The following CACNA1C variants were observed in gnomAD, a reference collection of about 807,000 sequenced individuals.
The protein encoded by CACNA1C is voltage-dependent L-type calcium channel subunit alpha-1C.
A neutral mutation model predicts 229.0 loss-of-function variants in CACNA1C; 30 were observed. That is an observed-to-expected ratio of 0.13 (90% confidence interval 0.10 to 0.18). The LOEUF (loss-of-function observed/expected upper bound fraction) is 0.18. Ranked by LOEUF, CACNA1C falls within the 10% of genes least tolerant of loss-of-function variation. The probability of loss-of-function intolerance (pLI) is 1.00; values close to 1 mark genes in which losing one functional copy is unlikely to be tolerated. For synonymous variants in CACNA1C, 1,114 were observed against 1,132.5 expected (o/e 0.98, Z 0.33); for missense variants, 1,658 against 2,845.0 (o/e 0.58, Z 9.49).
chr12:2,004,219 G>A, intron 1 of CACNA1C: 4 of 1,595,240 alleles, frequency 2.5e-6, no homozygotes, highest in Non-Finnish European at 3.4e-6. Context: ...CAAGTCCTGA[G>A]TCTGACGCCC....
chr12:2,199,664 A>C (rs1042283924), intron 3 of CACNA1C, among the ~76,000 whole-genome samples: 1 of 152,094 alleles, frequency 6.6e-6, no homozygotes, highest in Non-Finnish European at 1.5e-5. Context: ...GTTTAGGGGC[A>C]AACTGCATTC....
intron 9 of CACNA1C, among the ~76,000 whole-genome samples, chr12:2,546,818 C>T (rs145021169): frequency 3.9e-5 from 6 of 152,152 alleles, no homozygotes; most frequent in Non-Finnish European, 8.8e-5. Context: ...GGATGTGAGC[C>T]CTAGGCCTTT....
At position 2,688,522 on chromosome 12, in the gene CACNA1C, AC is replaced by A; in HGVS notation, c.5864del (p.Pro1955HisfsTer87). On this transcript the variant is annotated frameshift_variant, in exon 46 of 47. Coordinates refer to ENST00000399655, the MANE Select transcript of CACNA1C (RefSeq NM_000719.7). LOFTEE classifies it high-confidence loss of function. ...TGCCTCATTCCCTAGGCCTTTTGCC[AC>A]CCCACCAGCCACACCTGGCAGCCGA... ...SPASFPRPFA[T>X]PPATPGSRGW... 6.2e-7 allele frequency: 1 copy of A among 1,610,326 alleles called. No homozygotes were observed. Among genetic ancestry groups the A allele is most frequent in the African/African-American group, 1.3e-5 (1 of 74,762 alleles).
At chr12:2,670,416 G>T (rs1288855453) in intron 38 of CACNA1C, among the ~76,000 whole-genome samples, 1 of 152,284 alleles carries the variant, frequency 6.6e-6, no homozygotes, top group African/African-American at 2.4e-5. Flanking sequence ...GAAAGGTGAT[G>T]ACATCTGGGA....
chr12:2,176,422 C>T (rs1044900073), intron 3 of CACNA1C, among the ~76,000 whole-genome samples: 2 of 152,084 alleles, frequency 1.3e-5, no homozygotes, highest in African/African-American at 2.4e-5. Context: ...GAGGTATAGT[C>T]TGACTCACGT....
chr12:2,461,155 A>G (rs2099498557), intron 5 of CACNA1C, among the ~76,000 whole-genome samples: 1 of 152,144 alleles, frequency 6.6e-6, no homozygotes, highest in Non-Finnish European at 1.5e-5. Flanking sequence ...TTTCTTCCCC[A>G]CTGCTGCACC....
chr12:2,679,377 G>A lies in CACNA1C; in HGVS notation c.5092-67G>A. 8.3e-7 allele frequency: 1 copy of A among 1,203,738 alleles called. No homozygotes were observed. The highest frequency in any genetic ancestry group is 2.6e-5 in the East Asian group (1 of 39,006). 74.6% of individuals were successfully genotyped at this position (1,203,738 alleles called of 1,614,324 possible). A position where few individuals can be genotyped will look rare whatever the true frequency, so the allele number is the denominator to read the frequency against. On this transcript the variant is annotated intron_variant, in intron 41 of 46. Coordinates refer to ENST00000399655, the MANE Select transcript of CACNA1C (RefSeq NM_000719.7). The surrounding 1 kb of genome is among the most constrained non-coding windows in gnomAD (Gnocchi z 5.5). Reference sequence around the variant, plus strand: ...CCTGCACTTCCCTGACCTGGCTGTGGAGGCTGCTCTCTGGGAGGAGTGGGT... The same window carrying A: ...CCTGCACTTCCCTGACCTGGCTGTGAAGGCTGCTCTCTGGGAGGAGTGGGT...
At chr12:2,655,305 T>A in intron 34 of CACNA1C, 67 bp downstream of exon 34, 1 of 985,170 alleles carries the variant, frequency 1.0e-6, no homozygotes, top group Non-Finnish European at 1.6e-6. Context: ...TGTGGCCTGG[T>A]GGTAGAATGA....
intron 8 of CACNA1C, among the ~76,000 whole-genome samples, chr12:2,506,689 A>G (rs1323356367): frequency 6.6e-6 from 1 of 152,216 alleles, no homozygotes; most frequent in Non-Finnish European, 1.5e-5. Flanking sequence ...GTACAACGTC[A>G]CTTCCCTGGT....
intron 29 of CACNA1C, among the ~76,000 whole-genome samples, chr12:2,627,347 C>G (rs978893416): frequency 6.6e-6 from 1 of 152,150 alleles, no homozygotes; most frequent in African/African-American, 2.4e-5. Flanking sequence ...TATATTATCT[C>G]TGCTTGGTGT....
At chr12:2,415,758 G>T (rs1006637020) in intron 3 of CACNA1C, among the ~76,000 whole-genome samples, 3 of 152,132 alleles carry the variant, frequency 2.0e-5, no homozygotes, top group Non-Finnish European at 2.9e-5. Flanking sequence ...AGCTAATGCA[G>T]GAGTCCCCGC....
At chr12:2,178,205 G>A (rs1405357160) in intron 3 of CACNA1C, among the ~76,000 whole-genome samples, 1 of 152,186 alleles carries the variant, frequency 6.6e-6, no homozygotes, top group Non-Finnish European at 1.5e-5. Context: ...ATTTCAAATG[G>A]GTATCCGTCC....
At chr12:2,683,696 G>C (rs563665058) in intron 43 of CACNA1C, among the ~76,000 whole-genome samples, 1 of 152,286 alleles carries the variant, frequency 6.6e-6, no homozygotes, top group South Asian at 2.1e-4. Flanking sequence ...CACTTTTCCA[G>C]GGGTTTAGAG....
intron 3 of CACNA1C, among the ~76,000 whole-genome samples, chr12:2,224,310 T>A (rs542582488): frequency 1.3e-5 from 2 of 152,374 alleles, no homozygotes; most frequent in Admixed American, 1.3e-4. Context: ...CCGTCTCCGA[T>A]ATGCAAACGA....
At chr12:2,593,174 G>A in intron 18 of CACNA1C, 39 bp from the exon 19 acceptor site, 2 of 1,600,056 alleles carry the variant, frequency 1.2e-6, no homozygotes, top group African/African-American at 1.3e-5. Context: ...ATAAGTGGGA[G>A]TGCTGGAGTT....
intron 3 of CACNA1C, among the ~76,000 whole-genome samples, chr12:2,261,886 T>G (rs1437518721): frequency 6.6e-6 from 1 of 152,210 alleles, no homozygotes; most frequent in African/African-American, 2.4e-5. Context: ...AATATGGGAA[T>G]GACAGTGAGT....
intron 4 of CACNA1C, among the ~76,000 whole-genome samples, chr12:2,453,577 A>G (rs1337804789): frequency 1.3e-5 from 2 of 152,108 alleles, no homozygotes; most frequent in Non-Finnish European, 2.9e-5. Flanking sequence ...TTGCCACGAA[A>G]AGCCCAAAAT....
chr12:2,186,612 T>C (rs1269408565), intron 3 of CACNA1C, among the ~76,000 whole-genome samples: 1 of 152,218 alleles, frequency 6.6e-6, no homozygotes, highest in South Asian at 2.1e-4. Flanking sequence ...GATCCCTGAC[T>C]TGTTCATACC....
intron 30 of CACNA1C, among the ~76,000 whole-genome samples, chr12:2,644,838 A>G (rs1055268861): frequency 6.6e-6 from 1 of 151,812 alleles, no homozygotes; most frequent in Non-Finnish European, 1.5e-5. Context: ...GCCCTGCACC[A>G]CTCCCCTCCT....
Sources: gnomAD v4.1 joint callset for allele counts (sites outside exome capture counted in the v4.1 genomes callset) on GRCh38, gnomAD v4.1.1 for gene constraint, Gnocchi (gnomAD v3.1) non-coding constraint, MANE v1.5 for transcripts, NCBI Gene and HGNC (gene_info 2026-07-23, HGNC 2026-07-21) for gene names.